The following AKAP6 variants were observed in gnomAD, a reference collection of about 807,000 sequenced individuals.
AKAP6 encodes the protein A-kinase anchoring protein 6, also known as A-kinase anchor protein 6.
Under a neutral mutation model 188.5 loss-of-function variants are expected in AKAP6, and 58 were observed. The ratio of observed to expected loss-of-function variants is 0.31; its 90% CI spans 0.25 to 0.38. The LOEUF (loss-of-function observed/expected upper bound fraction) is 0.38. AKAP6 is among the 10% of genes least tolerant of loss of function. The pLI is 1.00. For synonymous variants in AKAP6, 989 were observed against 998.6 expected (o/e 0.99, Z 0.18); for missense variants, 2,710 against 2,740.0 (o/e 0.99, Z 0.24).
At chr14:32,449,009 G>A (rs1045850644) in intron 2 of AKAP6, among the ~76,000 whole-genome samples, 1 of 152,144 alleles carries the variant, frequency 6.6e-6, no homozygotes, top group Admixed American at 6.5e-5. Flanking sequence ...ACATACATGA[G>A]CATCAGCAAC....
At chr14:32,527,652 A>G (rs1340197699) in intron 2 of AKAP6, among the ~76,000 whole-genome samples, 1 of 152,120 alleles carries the variant, frequency 6.6e-6, no homozygotes, top group Non-Finnish European at 1.5e-5. Flanking sequence ...ATGGTATCTC[A>G]TTGTTTTAAT....
At chr14:32,807,681 T>G (rs1408079084) in intron 12 of AKAP6, among the ~76,000 whole-genome samples, 1 of 152,230 alleles carries the variant, frequency 6.6e-6, no homozygotes, top group Non-Finnish European at 1.5e-5. Context: ...ATCATTCCAT[T>G]TCTCGAGTTT....
rs1181256636 is a variant in AKAP6, at chr14:32,443,407, CAAA to C, written c.324+9598_324+9600del. On this transcript the variant is annotated intron_variant, in intron 2 of 13. Coordinates refer to ENST00000280979, the MANE Select transcript of AKAP6 (RefSeq NM_004274.5). ...GACTCCATCTCAAAACAAAACAAAA[CAAA>C]AAAAAAACAAAAAAACAAAAAAACC... 2.9e-4 allele frequency among the ~76,000 whole-genome samples: 39 copies of C among 136,232 alleles called. No individual in the cohort carries two copies. In the East Asian group the frequency reaches 9.1e-3, roughly 32 times the overall value. 89.4% of individuals were successfully genotyped at this position (136,232 alleles called of 152,430 possible). A position where few individuals can be genotyped will look rare whatever the true frequency, so the allele number is the denominator to read the frequency against.
intron 8 of AKAP6, among the ~76,000 whole-genome samples, chr14:32,693,886 C>A (rs1890283019): frequency 1.3e-5 from 2 of 152,150 alleles, no homozygotes. Flanking sequence ...AATGGTTATA[C>A]CTCTCAAGGA....
chr14:32,491,491 T>C (rs2145583), intron 2 of AKAP6, among the ~76,000 whole-genome samples: 7,085 of 152,214 alleles, frequency 0.047, 388 homozygotes, highest in African/African-American at 0.13. Flanking sequence ...TAGAATGAAA[T>C]TACATATGTT....
intron 7 of AKAP6, chr14:32,616,830 G>A (rs903609909): frequency 3.9e-5 from 6 of 152,100 alleles, no homozygotes; most frequent in Non-Finnish European, 7.4e-5. Flanking sequence ...TATAAACAGA[G>A]TGGCATTTTT....
At chr14:32,411,237 C>T (rs1406010441) in intron 1 of AKAP6, among the ~76,000 whole-genome samples, 1 of 151,736 alleles carries the variant, frequency 6.6e-6, no homozygotes, top group Non-Finnish European at 1.5e-5. Flanking sequence ...TCCCAAATGT[C>T]GAAAGTGCCA....
At chr14:32,362,617 G>A (rs1246324576) in intron 1 of AKAP6, among the ~76,000 whole-genome samples, 2 of 152,156 alleles carry the variant, frequency 1.3e-5, no homozygotes, top group African/African-American at 4.8e-5. Flanking sequence ...GGAAGCATGA[G>A]CAAACGTGGC....
intron 12 of AKAP6, among the ~76,000 whole-genome samples, chr14:32,778,874 G>A (rs185063842): frequency 6.6e-6 from 1 of 150,622 alleles, no homozygotes; most frequent in African/African-American, 2.4e-5. Flanking sequence ...ATAACAAAAA[G>A]CTATAATGAG....
At chr14:32,576,543 C>T (rs8014083) in intron 4 of AKAP6, among the ~76,000 whole-genome samples, 131 of 152,268 alleles carry the variant, frequency 8.6e-4, no homozygotes, top group African/African-American at 3.1e-3. Flanking sequence ...CCACTTTCTA[C>T]GCTTCCTTCC....
At chr14:32,829,497 A>G (rs2034769107) in intron 13 of AKAP6, among the ~76,000 whole-genome samples, 2 of 148,752 alleles carry the variant, frequency 1.3e-5, no homozygotes, top group South Asian at 4.4e-4. Context: ...TCACATTTTC[A>G]TATTGGTTTG....
chr14:32,822,294 T>C lies in AKAP6; in HGVS notation c.4481T>C (p.Val1494Ala). 1 of 1,613,956 alleles carries C rather than the reference T, an allele frequency of 6.2e-7. No homozygotes were observed. The highest frequency in any genetic ancestry group is 8.5e-7 in the Non-Finnish European group (1 of 1,179,948). Reference sequence around the variant, plus strand: ...CAGTCACAAAGCGAAAAAGCGCATGTGGAGGATCCCCTGCTTCGTGGTTTT... The same window carrying C: ...CAGTCACAAAGCGAAAAAGCGCATGCGGAGGATCCCCTGCTTCGTGGTTTT... Reference protein sequence around the residue: ...MKQSQSEKAHVEDPLLRGFYF... With the variant: ...MKQSQSEKAHAEDPLLRGFYF... Residue 1494 changes from valine (V) to alanine (A), a missense_variant, in exon 13 of 14, where the codon GTG becomes GCG. Coordinates refer to ENST00000280979, the MANE Select transcript of AKAP6 (RefSeq NM_004274.5).
At position 32,836,997 on chromosome 14, in the gene AKAP6, G is replaced by C. The variant is rs181221177; in HGVS notation, c.*7192G>C. 205 of 152,286 alleles carry C rather than the reference G, an allele frequency of 1.3e-3. No homozygotes were observed. The highest frequency in any genetic ancestry group is 4.7e-3 in the African/African-American group (196 of 41,566). 9.4% of individuals were successfully genotyped at this position (152,286 alleles called of 1,614,324 possible). A position where few individuals can be genotyped will look rare whatever the true frequency, so the allele number is the denominator to read the frequency against. On this transcript the variant is annotated 3_prime_UTR_variant, in exon 14 of 14. Transcript: ENST00000280979. ...GTCGAGGTAACTTGCTTTGCCCACT[G>C]TTAACTACAGAGCCATATGATAATG... is the stretch of plus-strand genomic sequence containing the variant.
intron 1 of AKAP6, among the ~76,000 whole-genome samples, chr14:32,334,625 A>C (rs1322816359): frequency 6.6e-6 from 1 of 152,184 alleles, no homozygotes; most frequent in African/African-American, 2.4e-5. Context: ...TAGTATATGT[A>C]GGGTTTGGTG....
chr14:32,802,109 G>A (rs556504395), intron 12 of AKAP6, among the ~76,000 whole-genome samples: 7 of 152,104 alleles, frequency 4.6e-5, no homozygotes, highest in African/African-American at 9.6e-5. Context: ...CCAATTATAT[G>A]TATGTTATAC....
intron 7 of AKAP6, among the ~76,000 whole-genome samples, chr14:32,603,312 T>A (rs576890911): frequency 6.6e-6 from 1 of 152,126 alleles, no homozygotes; most frequent in Non-Finnish European, 1.5e-5. Flanking sequence ...CGAAGTGGAC[T>A]GCAGAGATGG....
intron 2 of AKAP6, among the ~76,000 whole-genome samples, chr14:32,451,360 C>T (rs1890928619): frequency 1.3e-5 from 2 of 152,070 alleles, no homozygotes; most frequent in Admixed American, 1.3e-4. Flanking sequence ...TTTCTGCTTC[C>T]TTCCATTTAT....
rs1038620042 is a variant in AKAP6 at position 32,832,865 on chromosome 14, A to G, written c.*3060A>G. 3.3e-5 allele frequency: 5 copies of G among 152,608 alleles called. No individual in the cohort carries two copies. Among genetic ancestry groups the G allele is most frequent in the African/African-American group, 9.7e-5 (4 of 41,436 alleles). The allele number at this position is 152,608 out of a possible 1,614,324, so 9.5% of individuals were successfully genotyped here. A position where few individuals can be genotyped will look rare whatever the true frequency, so the allele number is the denominator to read the frequency against. ...ACCACTGTTTCCTCAACTGCCCTTC[A>G]TATGTCATGGTTTTCAGATCCATTC... On this transcript the variant is annotated 3_prime_UTR_variant, in exon 14 of 14. Coordinates refer to ENST00000280979, the MANE Select transcript of AKAP6 (RefSeq NM_004274.5).
Position 32,731,965 on chromosome 14 carries a change from C to G in AKAP6, c.3001-489C>G, listed in dbSNP as rs548270592. ...TTTTCTCTATATATGTACCTTTTCT[C>G]CAAGCCCACACAGAGTTTTTAAGGA... On this transcript the variant is annotated intron_variant, in intron 9 of 13. Coordinates refer to ENST00000280979, the MANE Select transcript of AKAP6 (RefSeq NM_004274.5). Among the ~76,000 whole-genome samples, 17 of 152,082 alleles carry G rather than the reference C, an allele frequency of 1.1e-4. No individual in the cohort carries two copies. The South Asian group carries it at 3.5e-3, about 32-fold the overall frequency.
Sources: allele counts gnomAD v4.1 joint callset (sites outside exome capture counted in the v4.1 genomes callset), GRCh38; gene constraint gnomAD v4.1.1; transcripts MANE v1.5; gene names NCBI Gene and HGNC (gene_info 2026-07-23, HGNC 2026-07-21).